Variants in YTHDC2 observed in about 807,000 individuals in gnomAD.
YTHDC2 encodes 3'-5' RNA helicase YTHDC2.
A neutral mutation model predicts 174.9 loss-of-function variants in YTHDC2; 45 were observed. That is an observed-to-expected ratio of 0.26 (90% CI 0.20 to 0.33). YTHDC2 has a LOEUF of 0.33. Among genes scored for constraint, YTHDC2 ranks in the 10% least tolerant of loss-of-function variants. YTHDC2 has a pLI of 1.00. For missense variants in YTHDC2, 1,650 were observed against 1,723.7 expected (o/e 0.96, Z 0.76); for synonymous variants, 657 against 574.5 (o/e 1.14, Z -2.05).
intron 4 of YTHDC2, among the ~76,000 whole-genome samples, chr5:113,532,667 T>G (rs1580504625): frequency 6.6e-6 from 1 of 152,208 alleles, no homozygotes; most frequent in Admixed American, 6.5e-5. Flanking sequence ...TATATTTGAT[T>G]TTAGATATTT....
intron 2 of YTHDC2, among the ~76,000 whole-genome samples, chr5:113,517,005 G>C (rs1427389179): frequency 2.0e-5 from 3 of 152,088 alleles, no homozygotes. Flanking sequence ...TAAAAATATA[G>C]TTCAGTGCCA....
chr5:113,585,922 T>C (rs1778656049), intron 26 of YTHDC2, among the ~76,000 whole-genome samples: 1 of 151,992 alleles, frequency 6.6e-6, no homozygotes, highest in Admixed American at 6.6e-5. Context: ...TTGCACTTTT[T>C]GGCTATTATG....
intron 8 of YTHDC2, among the ~76,000 whole-genome samples, chr5:113,540,645 A>C (rs1458338360): frequency 6.6e-6 from 1 of 152,178 alleles, no homozygotes; most frequent in African/African-American, 2.4e-5. Flanking sequence ...TCATGAGAAC[A>C]GCATGGGGGA....
At chr5:113,541,192 ATT>A (rs200804870) in intron 9 of YTHDC2, 76 bp downstream of exon 9, 215,282 of 1,251,210 alleles carry the variant, frequency 0.17, 6,363 homozygotes, top group Admixed American at 0.35. Context: ...TGAGCTTATA[ATT>A]TTTTTTTTTT....
At chr5:113,543,854 G>C (rs1380956080) in intron 10 of YTHDC2, among the ~76,000 whole-genome samples, 3 of 152,062 alleles carry the variant, frequency 2.0e-5, no homozygotes, top group Admixed American at 6.6e-5. Flanking sequence ...TATCTCCACT[G>C]GTAATCACAT....
Position 113,584,366 on chromosome 5 carries a change from T to G in YTHDC2, c.3712T>G (p.Leu1238Val), listed in dbSNP as rs1365461750. The G allele has an allele frequency of 6.2e-7, 1 of 1,613,888 alleles. No individual in the cohort carries two copies. The highest frequency in any genetic ancestry group is 1.3e-5 in the African/African-American group (1 of 75,018). The change falls in exon 26 of 30, where the codon TTA (leucine) becomes GTA (valine). Residue 1238 changes from leucine to valine, a missense_variant. Physicochemically the swap from Leu to Val is conservative, Grantham distance 32. Coordinates refer to ENST00000161863, the MANE Select transcript of YTHDC2 (RefSeq NM_022828.5). ...TCAGAAGTACAAAGATAGAGGAATTTTACATCCTAAACGAGGTACTGAGGA... is the reference window on the plus strand; with the variant it reads ...TCAGAAGTACAAAGATAGAGGAATTGTACATCCTAAACGAGGTACTGAGGA... ...PPQKYKDRGILHPKRGTEDRS... is the reference protein window; with the variant it reads ...PPQKYKDRGIVHPKRGTEDRS...
rs1255036054 is a variant in YTHDC2, at chr5:113,563,463, A to G, written c.2413A>G (p.Ile805Val). 5.6e-6 allele frequency: 9 copies of G among 1,610,002 alleles called. No homozygotes were observed. Among genetic ancestry groups the G allele is most frequent in the Admixed American group, 5.0e-5 (3 of 59,924 alleles). ...AGCTCCTGAACCTCCACCAGCTTTA[A>G]TTGTAAGAAATGCTGTACAAATGCT... ...MKAPEPPPAL[I>V]VRNAVQMLKT... is the part of the protein sequence containing the mutation. Residue 805 changes from isoleucine to valine, a missense_variant, in exon 19 of 30, where the codon ATT (isoleucine) becomes GTT (valine). Ile to Val is a conservative substitution (Grantham distance 29). Transcript: ENST00000161863.
Position 113,513,986 on chromosome 5 carries a change from G to GGC in YTHDC2, c.92_93dup (p.Arg32AlafsTer6). On this transcript the variant is annotated frameshift_variant, in exon 1 of 30. Transcript: ENST00000161863. LOFTEE classifies it high-confidence loss of function. ...CTCGCCTTGTGGCCCTGGGGGCGGC[G>GGC]GCCGGGCCAAGGGGCTGAAGGACAT... The GGC allele has an allele frequency of 6.2e-7, 1 of 1,604,242 alleles. No individual in the cohort carries two copies.
At chr5:113,549,162 G>C in intron 12 of YTHDC2, 142 bp downstream of exon 12, 1 of 638,684 alleles carries the variant, frequency 1.6e-6, no homozygotes, top group Middle Eastern at 4.4e-4. Context: ...GAAATTTTCT[G>C]TCTGATCTAC....
rs1323497347 is a variant in YTHDC2 at position 113,587,549 on chromosome 5, T to C, written c.3825+3070T>C. On this transcript the variant is annotated intron_variant, in intron 26 of 29. Coordinates refer to ENST00000161863, the MANE Select transcript of YTHDC2 (RefSeq NM_022828.5). ...ATTATGTATTTATATATTAATATAT[T>C]GTACATACATAATATATAGTATATT... Among the ~76,000 whole-genome samples the C allele has an allele frequency of 2.8e-5, 4 of 141,058 alleles. 1 individual carries two copies. Among genetic ancestry groups the C allele is most frequent in the Non-Finnish European group, 6.0e-5 (4 of 66,148 alleles). 92.5% of individuals were successfully genotyped at this position (141,058 alleles called of 152,430 possible).
intron 25 of YTHDC2, chr5:113,583,777 C>G (rs946763388): frequency 6.6e-6 from 1 of 152,386 alleles, no homozygotes; most frequent in South Asian, 2.1e-4. Context: ...CCACTGCACC[C>G]GGACTCCATA....
intron 10 of YTHDC2, among the ~76,000 whole-genome samples, chr5:113,545,355 C>T (rs1298393018): frequency 2.6e-5 from 3 of 115,616 alleles, no homozygotes; most frequent in Non-Finnish European, 5.2e-5. Flanking sequence ...GCTCATTATT[C>T]TTTTTTGTTT....
chr5:113,563,291 C>T, intron 18 of YTHDC2, 82 bp from the exon 19 acceptor site: 1 of 1,239,586 alleles, frequency 8.1e-7, no homozygotes, highest in Non-Finnish European at 1.1e-6. Context: ...TGTTTGGGAA[C>T]TGTAGTTCCC....
intron 2 of YTHDC2, among the ~76,000 whole-genome samples, chr5:113,519,109 G>A (rs1477938233): frequency 1.3e-5 from 2 of 151,950 alleles, no homozygotes; most frequent in African/African-American, 4.8e-5. Context: ...CTGGGCTCAA[G>A]TGATCCTCCT....
intron 17 of YTHDC2, among the ~76,000 whole-genome samples, chr5:113,559,000 G>C (rs776198074): frequency 2.6e-5 from 4 of 151,792 alleles, no homozygotes; most frequent in African/African-American, 4.8e-5. Flanking sequence ...AGGATAAGAA[G>C]ATATAATACA....
intron 7 of YTHDC2, among the ~76,000 whole-genome samples, chr5:113,538,829 T>C (rs1352776667): frequency 6.6e-6 from 1 of 152,118 alleles, no homozygotes; most frequent in Non-Finnish European, 1.5e-5. Flanking sequence ...ACAAATGATA[T>C]TGATGCCAGA....
rs1773317992 is a variant in YTHDC2, at chr5:113,515,163, A to C, written c.188-109A>C. 8 of 643,646 alleles carry C rather than the reference A, an allele frequency of 1.2e-5. No individual in the cohort carries two copies. The South Asian group carries it at 1.7e-4, about 14-fold the overall frequency. 39.9% of individuals were successfully genotyped at this position (643,646 alleles called of 1,614,324 possible). On this transcript the variant is annotated intron_variant, in intron 1 of 29. Coordinates refer to ENST00000161863, the MANE Select transcript of YTHDC2 (RefSeq NM_022828.5). ...ATAAAGTTAACCTCAAATAAAGTAT[A>C]ATAAATTTGATTGTCTATGTATGTT...
chr5:113,527,768 A>C (rs890127341), intron 4 of YTHDC2, among the ~76,000 whole-genome samples: 2 of 152,072 alleles, frequency 1.3e-5, no homozygotes, highest in Non-Finnish European at 2.9e-5. Flanking sequence ...AAGACTATAC[A>C]AGATCTTTCT....
chr5:113,568,026 T>G (rs1777462409), intron 23 of YTHDC2, among the ~76,000 whole-genome samples, 177 bp downstream of exon 23: 1 of 152,130 alleles, frequency 6.6e-6, no homozygotes, highest in Non-Finnish European at 1.5e-5. Flanking sequence ...TTTTTGAAAT[T>G]TATTTATAAG....
Sources: allele counts gnomAD v4.1 joint callset (sites outside exome capture counted in the v4.1 genomes callset), GRCh38; gene constraint gnomAD v4.1.1; transcripts MANE v1.5; gene names NCBI Gene and HGNC (gene_info 2026-07-23, HGNC 2026-07-21).